CNGB1: variants seen among roughly 807,000 people sequenced by gnomAD.
The protein encoded by CNGB1 is cyclic nucleotide gated channel subunit beta 1.
In CNGB1, 126 loss-of-function variants were observed where a neutral mutation model predicts 151.7. The ratio of observed to expected loss-of-function variants is 0.83; its 90% CI spans 0.72 to 0.96. The LOEUF (loss-of-function observed/expected upper bound fraction) is 0.96, where lower values mean the gene tolerates loss of function less well. CNGB1 is among the 40% of genes least tolerant of loss of function. CNGB1 has a pLI of 0.00. For missense variants in CNGB1, 1,698 were observed against 1,627.0 expected (o/e 1.04, Z -0.75); for synonymous variants, 623 against 635.1 (o/e 0.98, Z 0.29).
At chr16:57,904,988 C>G in intron 25 of CNGB1, 113 bp from the exon 26 acceptor site, 1 of 1,356,028 alleles carries the variant, frequency 7.4e-7, no homozygotes, top group Admixed American at 1.8e-5. Context: ...GACAGAAACC[C>G]TTTACAGCTC....
At chr16:57,929,709 A>G (rs1169682432) in intron 17 of CNGB1, among the ~76,000 whole-genome samples, 1 of 152,222 alleles carries the variant, frequency 6.6e-6, no homozygotes, top group Non-Finnish European at 1.5e-5. Flanking sequence ...GTTTTAAACC[A>G]TTGGATCTCG....
At chr16:57,890,191 CTTGT>C (rs1567362232) in intron 31 of CNGB1, among the ~76,000 whole-genome samples, 1 of 152,216 alleles carries the variant, frequency 6.6e-6, no homozygotes, top group Non-Finnish European at 1.5e-5. Flanking sequence ...TCCAGCAAAA[CTTGT>C]TTGTTTAAAA....
chr16:57,906,708 G>A lies in CNGB1; in HGVS notation c.2493-1833C>T, dbSNP rs562811660. Among the ~76,000 whole-genome samples, 4 of 152,352 alleles carry A rather than the reference G, an allele frequency of 2.6e-5. No individual in the cohort carries two copies. The South Asian group carries it at 8.3e-4, about 32-fold the overall frequency. On this transcript the variant is annotated intron_variant, in intron 25 of 32. Transcript: ENST00000251102. ...GACCCCTCGGCTGTCCGGGAGCTGG[G>A]TGCTTATGCCGCTGGGCCACCAACA...
At chr16:57,929,476 G>GGAGAGAGAGAGAGA (rs59227159) in intron 17 of CNGB1, among the ~76,000 whole-genome samples, 5 of 145,748 alleles carry the variant, frequency 3.4e-5, no homozygotes, top group African/African-American at 1.3e-4. Context: ...AGAGAGAGAG[G>GGAGAGAGAGAGAGA]GAGAGAGAGA....
At chr16:57,905,412 T>C (rs1347297517) in intron 25 of CNGB1, among the ~76,000 whole-genome samples, 2 of 152,180 alleles carry the variant, frequency 1.3e-5, no homozygotes, top group South Asian at 2.1e-4. Flanking sequence ...TGGTCACTAG[T>C]TGGTAAGTAC....
chr16:57,896,119 T>C (rs1960217985), intron 31 of CNGB1, among the ~76,000 whole-genome samples: 1 of 152,190 alleles, frequency 6.6e-6, no homozygotes, highest in Non-Finnish European at 1.5e-5. Flanking sequence ...CATCAAAGGA[T>C]GCTAAAAGCA....
chr16:57,957,255 C>G, intron 12 of CNGB1, 86 bp downstream of exon 12: 1 of 1,300,076 alleles, frequency 7.7e-7, no homozygotes, highest in Non-Finnish European at 1.1e-6. Flanking sequence ...CCAGGGACAG[C>G]CCCCCTGCCC....
chr16:57,899,866 CTCAGAGAGATCGCTGCCGAGCAAAA>C (rs1259755608), intron 29 of CNGB1, among the ~76,000 whole-genome samples: 1 of 152,186 alleles, frequency 6.6e-6, no homozygotes, highest in East Asian at 1.9e-4. Flanking sequence ...CCCGGGGTGT[CTCAGAGAGATCGCTGCCGAGCAAAA>C]CCAGACAGCA....
chr16:57,900,272 C>G (rs921051474), intron 29 of CNGB1, among the ~76,000 whole-genome samples: 11 of 152,200 alleles, frequency 7.2e-5, no homozygotes, highest in African/African-American at 2.7e-4. Flanking sequence ...ATTCTCAGGT[C>G]TCTGAAGCAT....
chr16:57,907,836 T>A (rs1231115859), intron 25 of CNGB1, among the ~76,000 whole-genome samples: 3 of 152,078 alleles, frequency 2.0e-5, no homozygotes, highest in Non-Finnish European at 4.4e-5. Flanking sequence ...TCCCTGATAT[T>A]CTCCACCTCA....
chr16:57,934,647 T>C (rs1406522513), intron 16 of CNGB1, among the ~76,000 whole-genome samples: 2 of 151,668 alleles, frequency 1.3e-5, no homozygotes, highest in African/African-American at 2.4e-5. Flanking sequence ...CAAGGCAAAG[T>C]ATAACCTAGA....
intron 3 of CNGB1, 57 bp downstream of exon 3, chr16:57,964,430 A>C: frequency 6.2e-7 from 1 of 1,601,592 alleles, no homozygotes; most frequent in Non-Finnish European, 8.5e-7. Flanking sequence ...TGCGGCTCCG[A>C]GGGGAGAATG....
rs759663687 is a variant in CNGB1, at chr16:57,960,152, C to T, written c.584-87G>A. ...CAAGGGCACGGGGCCAGATTCGAGTCGCTAACAGGACTGAATGGGGAGCCC... is the reference window on the plus strand; with the variant it reads ...CAAGGGCACGGGGCCAGATTCGAGTTGCTAACAGGACTGAATGGGGAGCCC... On this transcript the variant is annotated intron_variant, in intron 9 of 32. Transcript: ENST00000251102. 1.6e-5 allele frequency: 25 copies of T among 1,521,908 alleles called. No individual in the cohort carries two copies. In the Admixed American group the frequency reaches 2.6e-4, roughly 16 times the overall value. 94.3% of individuals were successfully genotyped at this position (1,521,908 alleles called of 1,614,324 possible).
intron 21 of CNGB1, 79 bp from the exon 22 acceptor site, chr16:57,916,258 C>T (rs1254369072): frequency 7.3e-7 from 1 of 1,370,586 alleles, no homozygotes; most frequent in Non-Finnish European, 1.0e-6. Context: ...TGAAACTTCC[C>T]CAAGAACCCC....
In CNGB1 at chr16:57,885,522, C is replaced by T. The variant is rs912557856; in HGVS notation, c.3463-1065G>A. On this transcript the variant is annotated intron_variant, in intron 32 of 32. Transcript: ENST00000251102. ...CTTTCCTTCTTTCCTTCCTTCCTTC[C>T]TTTTTTCCTTCCTTCCTTCCTTCTT... is the stretch of plus-strand genomic sequence containing the variant. Among the ~76,000 whole-genome samples, 3 of 149,028 alleles carry T rather than the reference C, an allele frequency of 2.0e-5. No individual in the cohort carries two copies. In the East Asian group the frequency reaches 5.9e-4, roughly 29 times the overall value.
At chr16:57,914,212 G>T (rs994530195) in intron 23 of CNGB1, among the ~76,000 whole-genome samples, 12 of 152,166 alleles carry the variant, frequency 7.9e-5, no homozygotes, top group Non-Finnish European at 1.2e-4. Flanking sequence ...CCCAAGGTAT[G>T]GATCTCACCT....
rs548600020 is a variant in CNGB1, at chr16:57,960,711, A to G, written c.534+129T>C. ...ACTCCTCCCCATAGAGGACTCTCCA[A>G]AGTGGGGCATCGCCCCCTCATGAGT... On this transcript the variant is annotated intron_variant, in intron 8 of 32. Transcript: ENST00000251102. 7.3e-3 allele frequency: 9,180 copies of G among 1,264,230 alleles called. 51 individuals are homozygous for G. The highest frequency in any genetic ancestry group is 9.0e-3 in the Non-Finnish European group (7,933 of 885,188). The allele number at this position is 1,264,230 out of a possible 1,614,324, so 78.3% of individuals were successfully genotyped here. A position where few individuals can be genotyped will look rare whatever the true frequency, so the allele number is the denominator to read the frequency against.
rs890172879 is a variant in CNGB1 at position 57,883,761 on chromosome 16, G to A, written c.*403C>T. The A allele has an allele frequency of 4.0e-5, 11 of 276,058 alleles. No homozygotes were observed. Among genetic ancestry groups the A allele is most frequent in the East Asian group, 1.0e-4 (1 of 9,654 alleles). The allele number at this position is 276,058 out of a possible 1,614,324, so 17.1% of individuals were successfully genotyped here. A position where few individuals can be genotyped will look rare whatever the true frequency, so the allele number is the denominator to read the frequency against. On this transcript the variant is annotated 3_prime_UTR_variant, in exon 33 of 33. Transcript: ENST00000251102. Reference sequence around the variant, plus strand: ...CTTGAAATGTGTTAGACAAATTCCTGAGGGGAAACCCCACACATTCAATAA... The same window carrying A: ...CTTGAAATGTGTTAGACAAATTCCTAAGGGGAAACCCCACACATTCAATAA...
intron 32 of CNGB1, among the ~76,000 whole-genome samples, chr16:57,886,367 A>G (rs1290126224): frequency 1.3e-5 from 2 of 152,144 alleles, no homozygotes; most frequent in African/African-American, 2.4e-5. Context: ...TACTGGGAGC[A>G]CCCTTGGAGT....
Sources: allele counts gnomAD v4.1 joint callset (sites outside exome capture counted in the v4.1 genomes callset), GRCh38; gene constraint gnomAD v4.1.1; transcripts MANE v1.5; gene names NCBI Gene and HGNC (gene_info 2026-07-23, HGNC 2026-07-21).